TRPM3: variants seen among roughly 807,000 people sequenced by gnomAD.
TRPM3 encodes the protein long transient receptor potential channel 3.
A neutral mutation model predicts 181.2 loss-of-function variants in TRPM3; 77 were observed. The ratio of observed to expected loss-of-function variants is 0.42; its 90% CI spans 0.35 to 0.51. The LOEUF is 0.51. Among genes scored for constraint, TRPM3 ranks in the 20% least tolerant of loss-of-function variants. TRPM3 has a pLI of 0.01. For missense variants in TRPM3, 1,759 were observed against 2,196.7 expected (o/e 0.80, Z 3.98); for synonymous variants, 745 against 796.4 (o/e 0.94, Z 1.09).
chr9:70,968,886 T>A (rs1438936395), intron 1 of TRPM3, among the ~76,000 whole-genome samples: 1 of 152,028 alleles, frequency 6.6e-6, no homozygotes, highest in Non-Finnish European at 1.5e-5. Flanking sequence ...GACTTAAACA[T>A]AAGACCTAAA....
chr9:71,065,351 T>C (rs1331658604), intron 1 of TRPM3, among the ~76,000 whole-genome samples: 1 of 152,186 alleles, frequency 6.6e-6, no homozygotes, highest in Admixed American at 6.5e-5. Context: ...TCTTTCTTAA[T>C]ACTGAAATCA....
At chr9:70,897,904 G>A (rs779317204) in intron 1 of TRPM3, among the ~76,000 whole-genome samples, 60 of 152,166 alleles carry the variant, frequency 3.9e-4, no homozygotes, top group Admixed American at 2.0e-3. Context: ...CAAGGCTCAC[G>A]TTGTGTAGGG....
intron 8 of TRPM3, among the ~76,000 whole-genome samples, chr9:70,744,027 T>C (rs1343141976): frequency 6.6e-6 from 1 of 152,016 alleles, no homozygotes; most frequent in Non-Finnish European, 1.5e-5. Flanking sequence ...GAGGCTTGGC[T>C]AGTGGGATTG....
At chr9:70,737,985 G>A (rs1400413313) in intron 8 of TRPM3, among the ~76,000 whole-genome samples, 1 of 152,108 alleles carries the variant, frequency 6.6e-6, no homozygotes, top group Non-Finnish European at 1.5e-5. Context: ...AGGCAACAAA[G>A]AAACGATGGA....
At chr9:71,017,761 C>T (rs1180129666) in intron 1 of TRPM3, among the ~76,000 whole-genome samples, 1 of 151,706 alleles carries the variant, frequency 6.6e-6, no homozygotes, top group Non-Finnish European at 1.5e-5. Flanking sequence ...ACATAACACA[C>T]CTTTCTCGAA....
intron 8 of TRPM3, among the ~76,000 whole-genome samples, chr9:70,741,614 G>GTA (rs1428610624): frequency 6.6e-6 from 1 of 152,060 alleles, no homozygotes; most frequent in African/African-American, 2.4e-5. Flanking sequence ...CGTGGTATAT[G>GTA]TATATATATC....
chr9:71,211,345 T>C (rs1345729922), intron 1 of TRPM3, among the ~76,000 whole-genome samples: 1 of 142,310 alleles, frequency 7.0e-6, no homozygotes, highest in East Asian at 2.2e-4. Context: ...TTGTTACTGT[T>C]CTTTTATATG....
intron 1 of TRPM3, among the ~76,000 whole-genome samples, chr9:71,279,034 T>TAAAAAAAAA (rs200421016): frequency 1.9e-4 from 9 of 47,488 alleles, no homozygotes; most frequent in African/African-American, 3.1e-4. Flanking sequence ...CCTGCTTAGG[T>TAAAAAAAAA]TAAAAAAAAT....
At chr9:71,019,837 T>C (rs1400618722) in intron 1 of TRPM3, among the ~76,000 whole-genome samples, 1 of 152,114 alleles carries the variant, frequency 6.6e-6, no homozygotes, top group East Asian at 1.9e-4. Flanking sequence ...AGTGTGTCAG[T>C]GCAAATAGAA....
chr9:70,974,845 A>G (rs11142654), intron 1 of TRPM3, among the ~76,000 whole-genome samples: 39,381 of 144,662 alleles, frequency 0.27, 5,591 homozygotes, highest in East Asian at 0.34. Context: ...ACAGTTCCAC[A>G]GGAGTGATGG....
chr9:70,919,197 A>G (rs2096630751), intron 1 of TRPM3, among the ~76,000 whole-genome samples: 2 of 152,232 alleles, frequency 1.3e-5, no homozygotes, highest in African/African-American at 4.8e-5. Flanking sequence ...GTTAAGAAAC[A>G]AAGTCCCAAC....
intron 1 of TRPM3, among the ~76,000 whole-genome samples, chr9:71,327,955 A>G (rs1433546711): frequency 6.6e-6 from 1 of 152,094 alleles, no homozygotes; most frequent in Non-Finnish European, 1.5e-5. Context: ...TGCCTGCTCC[A>G]CACCATTACT....
intron 5 of TRPM3, 120 bp downstream of exon 5, chr9:70,842,883 T>C (rs1244985702): frequency 1.1e-6 from 1 of 945,558 alleles, no homozygotes; most frequent in Non-Finnish European, 1.5e-6. Context: ...CATGTTTCAT[T>C]TTAGTGAGTA....
chr9:70,784,014 C>T (rs774884990), intron 7 of TRPM3, 91 bp downstream of exon 7: 1 of 1,505,054 alleles, frequency 6.6e-7, no homozygotes, highest in Non-Finnish European at 8.9e-7. Context: ...GATTTGAGGT[C>T]TTGGTTGAGC....
In TRPM3 at chr9:71,032,139, GATTATATATACTATATATTATATAATAT is replaced by G. The variant is rs1486608559; in HGVS notation, c.177+89011_177+89038del. On this transcript the variant is annotated intron_variant, in intron 1 of 25. Transcript: ENST00000677713. ...ATTATATATATTAACCTTAATGGTG[GATTATATATACTATATATTATATAATAT>G]ATTATATATACTATATATTATATAA... is the stretch of plus-strand genomic sequence containing the variant. 5.3e-3 allele frequency among the ~76,000 whole-genome samples: 501 copies of G among 93,862 alleles called. 15 individuals are homozygous for G. In the East Asian group the frequency reaches 0.07, roughly 13 times the overall value. 61.6% of individuals were successfully genotyped at this position (93,862 alleles called of 152,430 possible).
At chr9:70,551,436 C>T (rs1490359712) in intron 24 of TRPM3, among the ~76,000 whole-genome samples, 1 of 152,176 alleles carries the variant, frequency 6.6e-6, no homozygotes, top group Non-Finnish European at 1.5e-5. Flanking sequence ...TTGGTGATAA[C>T]GACAAGAAAA....
At chr9:71,018,443 CA>C (rs1289919372) in intron 1 of TRPM3, among the ~76,000 whole-genome samples, 1 of 151,534 alleles carries the variant, frequency 6.6e-6, no homozygotes, top group Non-Finnish European at 1.5e-5. Context: ...ATTAGAAAAA[CA>C]GAAAAGTTGC....
In TRPM3 at chr9:71,220,513, C is replaced by T. The variant is rs2080175651; in HGVS notation, c.183+226140G>A. Among the ~76,000 whole-genome samples the T allele has an allele frequency of 5.9e-5, 9 of 151,980 alleles. 1 individual carries two copies. The South Asian group carries it at 1.7e-3, about 28-fold the overall frequency. On this transcript the variant is annotated intron_variant, in intron 1 of 24. Coordinates refer to the TRPM3 transcript ENST00000357533. ...CAACTGAAATTTTCTTAGTTCTTAT[C>T]CTATTTTGAGATTTTGCTTATACCT...
intron 1 of TRPM3, among the ~76,000 whole-genome samples, chr9:70,870,086 G>A (rs2095755982): frequency 6.6e-6 from 1 of 151,970 alleles, no homozygotes; most frequent in Admixed American, 6.6e-5. Context: ...TTTTCTTGTG[G>A]ATGGTAAATC....
Sources: allele counts gnomAD v4.1 joint callset (sites outside exome capture counted in the v4.1 genomes callset), GRCh38; gene constraint gnomAD v4.1.1; transcripts MANE v1.5; gene names NCBI Gene and HGNC (gene_info 2026-07-23, HGNC 2026-07-21).